ERBB4: variants seen among roughly 807,000 people sequenced by gnomAD.
ERBB4 encodes the protein receptor tyrosine-protein kinase erbB-4.
In ERBB4, 42 loss-of-function variants were observed where a neutral mutation model predicts 158.0. That is an observed-to-expected ratio of 0.27 (90% CI 0.21 to 0.34). ERBB4 has a LOEUF of 0.34. ERBB4 is among the 10% of genes least tolerant of loss of function. The pLI is 1.00. For missense variants in ERBB4, 1,333 were observed against 1,624.1 expected, an observed-to-expected ratio of 0.82 and a Z score of 3.08; for synonymous variants, 583 against 558.7, an observed-to-expected ratio of 1.04 and a Z score of -0.61.
intron 13 of ERBB4, 143 bp from the exon 14 acceptor site, chr2:211,673,400 G>A: frequency 2.9e-6 from 2 of 692,298 alleles, no homozygotes; most frequent in East Asian, 5.5e-5. Context: ...GAAACATTAA[G>A]TTTTCCATTA....
At chr2:211,838,722 T>A (rs1279811864) in intron 3 of ERBB4, among the ~76,000 whole-genome samples, 2 of 152,144 alleles carry the variant, frequency 1.3e-5, no homozygotes, top group Non-Finnish European at 2.9e-5. Flanking sequence ...ATTTTATAGT[T>A]TAAAAATATA....
intron 4 of ERBB4, among the ~76,000 whole-genome samples, chr2:211,773,832 C>G (rs1247802721): frequency 6.6e-6 from 1 of 151,084 alleles, no homozygotes; most frequent in African/African-American, 2.4e-5. Context: ...GGTCTGAATT[C>G]AGATCACGTA....
chr2:212,395,760 C>T (rs2091007255), intron 1 of ERBB4, among the ~76,000 whole-genome samples: 1 of 151,854 alleles, frequency 6.6e-6, no homozygotes, highest in Non-Finnish European at 1.5e-5. Flanking sequence ...GCTGGGACTA[C>T]AGACATGTGC....
rs1033368854 is a variant in ERBB4 at position 211,622,558 on chromosome 2, ATC to A, written c.2202+1362_2202+1363del. On this transcript the variant is annotated intron_variant, in intron 18 of 27. Coordinates refer to ENST00000342788, the MANE Select transcript of ERBB4 (RefSeq NM_005235.3). ...ATTATTAATATTTTTTGTTAAATAA[ATC>A]TCTGTTTTAAATAGAAAAAAATGAA... is the stretch of plus-strand genomic sequence containing the variant. Among the ~76,000 whole-genome samples the A allele has an allele frequency of 1.6e-4, 25 of 152,270 alleles. 1 individual carries two copies. Among genetic ancestry groups the A allele is most frequent in the Admixed American group, 4.6e-4 (7 of 15,298 alleles).
chr2:212,252,173 A>T (rs1158471680), intron 1 of ERBB4, among the ~76,000 whole-genome samples: 1 of 152,080 alleles, frequency 6.6e-6, no homozygotes, highest in African/African-American at 2.4e-5. Context: ...ATGACATATA[A>T]ATTTGAGGGG....
intron 3 of ERBB4, among the ~76,000 whole-genome samples, chr2:211,839,618 G>T (rs577050051): frequency 2.6e-5 from 4 of 152,102 alleles, no homozygotes; most frequent in African/African-American, 9.6e-5. Context: ...TTCTTATTCT[G>T]CAGCAAAATC....
intron 1 of ERBB4, among the ~76,000 whole-genome samples, chr2:212,147,423 G>A (rs2080719840): frequency 6.6e-6 from 1 of 151,824 alleles, no homozygotes; most frequent in South Asian, 2.1e-4. Flanking sequence ...GATCTGTAAG[G>A]TCACTGTTAT....
At chr2:211,609,361 CAACAAGAA>C (rs2069105034) in intron 19 of ERBB4, among the ~76,000 whole-genome samples, 1 of 152,130 alleles carries the variant, frequency 6.6e-6, no homozygotes, top group East Asian at 1.9e-4. Context: ...TCAGAGAAAT[CAACAAGAA>C]TTTAGACAGA....
intron 5 of ERBB4, among the ~76,000 whole-genome samples, chr2:211,744,470 G>A (rs191141344): frequency 1.3e-5 from 2 of 152,254 alleles, no homozygotes; most frequent in Admixed American, 1.3e-4. Flanking sequence ...CATTTCTTCT[G>A]TTTAAAACCT....
At chr2:211,972,399 A>G (rs1242111219) in intron 2 of ERBB4, among the ~76,000 whole-genome samples, 5 of 152,190 alleles carry the variant, frequency 3.3e-5, no homozygotes, top group Non-Finnish European at 7.4e-5. Flanking sequence ...ATTAGAGAAA[A>G]CTATTTTAAA....
At chr2:211,673,649 C>T (rs2071939884) in intron 13 of ERBB4, among the ~76,000 whole-genome samples, 1 of 151,222 alleles carries the variant, frequency 6.6e-6, no homozygotes, top group South Asian at 2.1e-4. Context: ...TATTTCTAAA[C>T]TCTGAAAGAA....
intron 3 of ERBB4, among the ~76,000 whole-genome samples, chr2:211,826,716 T>G (rs1252063395): frequency 6.6e-6 from 1 of 151,994 alleles, no homozygotes; most frequent in Non-Finnish European, 1.5e-5. Flanking sequence ...GGTACTACCC[T>G]GATAGCCACA....
chr2:211,624,094 T>C (rs2125858949), intron 17 of ERBB4, 50 bp from the exon 18 acceptor site: 2 of 1,601,890 alleles, frequency 1.2e-6, no homozygotes, highest in Non-Finnish European at 1.7e-6. Context: ...TAGTCAGTCC[T>C]CTCTCTCTGT....
At chr2:212,449,177 C>CCA (rs1346757016) in intron 1 of ERBB4, among the ~76,000 whole-genome samples, 1 of 152,068 alleles carries the variant, frequency 6.6e-6, no homozygotes, top group Non-Finnish European at 1.5e-5. Flanking sequence ...CAAAACATCA[C>CCA]CACTATGTAT....
At chr2:212,127,609 T>A (rs1326425539) in intron 1 of ERBB4, among the ~76,000 whole-genome samples, 5 of 152,054 alleles carry the variant, frequency 3.3e-5, no homozygotes, top group East Asian at 1.9e-4. Context: ...AATAAATATT[T>A]AAAAAAACAC....
At chr2:212,239,213 A>AT (rs1485821932) in intron 1 of ERBB4, among the ~76,000 whole-genome samples, 2 of 151,978 alleles carry the variant, frequency 1.3e-5, no homozygotes, top group African/African-American at 4.8e-5. Context: ...GCCTGGCTAT[A>AT]TTTTTTTATT....
At chr2:212,102,387 A>G (rs562662399) in intron 2 of ERBB4, among the ~76,000 whole-genome samples, 1 of 151,976 alleles carries the variant, frequency 6.6e-6, no homozygotes, top group South Asian at 2.1e-4. Context: ...TAACGTGTTG[A>G]TATCTTGAAA....
intron 13 of ERBB4, among the ~76,000 whole-genome samples, chr2:211,678,038 T>C (rs888048748): frequency 2.6e-5 from 4 of 152,268 alleles, no homozygotes; most frequent in Admixed American, 6.5e-5. Context: ...AGTGATTTTA[T>C]GAATATATGA....
intron 20 of ERBB4, among the ~76,000 whole-genome samples, chr2:211,557,277 A>C (rs2067260120): frequency 6.6e-6 from 1 of 152,356 alleles, no homozygotes; most frequent in Admixed American, 6.5e-5. Context: ...GGTCTAATTA[A>C]ATCAAAGAGC....
Sources: gnomAD v4.1 joint callset for allele counts (sites outside exome capture counted in the v4.1 genomes callset) on GRCh38, gnomAD v4.1.1 for gene constraint, MANE v1.5 for transcripts, NCBI Gene and HGNC (gene_info 2026-07-23, HGNC 2026-07-21) for gene names.